The following KIAA1217 variants were observed in gnomAD, a reference collection of about 807,000 sequenced individuals.
The protein encoded by KIAA1217 is sickle tail protein homolog.
A neutral mutation model predicts 163.9 loss-of-function variants in KIAA1217; 88 were observed. That is an observed-to-expected ratio of 0.54 (90% CI 0.45 to 0.64). The LOEUF (loss-of-function observed/expected upper bound fraction) is 0.64. KIAA1217 is among the 30% of genes least tolerant of loss of function. KIAA1217 has a pLI of 0.00. For missense variants in KIAA1217, 2,372 were observed against 2,475.0 expected (o/e 0.96, Z 0.88); for synonymous variants, 903 against 923.1 (o/e 0.98, Z 0.39).
chr10:24,252,299 C>G (rs2074642874), intron 2 of KIAA1217, among the ~76,000 whole-genome samples: 1 of 152,148 alleles, frequency 6.6e-6, no homozygotes, highest in Non-Finnish European at 1.5e-5. Context: ...TCATTTTGAA[C>G]TGGTGAGATG....
At chr10:24,322,791 G>C (rs7911355) in intron 2 of KIAA1217, among the ~76,000 whole-genome samples, 22,106 of 152,020 alleles carry the variant, frequency 0.15, 2,037 homozygotes, top group East Asian at 0.39. Context: ...CATCTGCTAG[G>C]ACTGAAATGA....
At chr10:24,280,759 G>A (rs1185928667) in intron 2 of KIAA1217, among the ~76,000 whole-genome samples, 2 of 148,312 alleles carry the variant, frequency 1.3e-5, no homozygotes, top group Admixed American at 6.8e-5. Flanking sequence ...GCAGTGAGCA[G>A]AGATTGCGCC....
chr10:24,308,401 G>C (rs1033067676), intron 2 of KIAA1217, among the ~76,000 whole-genome samples: 2 of 152,254 alleles, frequency 1.3e-5, no homozygotes, highest in African/African-American at 4.8e-5. Context: ...GGAATTGGAG[G>C]TAACATAATG....
At chr10:23,932,031 G>T (rs1843273667) in intron 1 of KIAA1217, among the ~76,000 whole-genome samples, 1 of 152,150 alleles carries the variant, frequency 6.6e-6, no homozygotes, top group Non-Finnish European at 1.5e-5. Context: ...CAGCCCGGCA[G>T]GGAGGGCAGG....
At position 23,695,051 on chromosome 10, in the gene KIAA1217, G is replaced by A. The variant is rs1835935780; in HGVS notation, c.-504G>A. 6.6e-6 allele frequency: 1 copy of A among 152,238 alleles called. No individual in the cohort carries two copies. The highest frequency in any genetic ancestry group is 2.4e-5 in the African/African-American group (1 of 41,448). The allele number at this position is 152,238 out of a possible 1,614,324, so 9.4% of individuals were successfully genotyped here. On this transcript the variant is annotated 5_prime_UTR_variant, in exon 1 of 19. Transcript: ENST00000376462. This position sits in a 1 kb window ranked among gnomAD's most constrained non-coding sequence, Gnocchi z 4.9. Reference sequence around the variant, plus strand: ...CACTCGGCTGGCAGCCGCGAGCGGCGGCCGAACCTCGGCCCCAGACTCGGG... The same window carrying A: ...CACTCGGCTGGCAGCCGCGAGCGGCAGCCGAACCTCGGCCCCAGACTCGGG...
At chr10:24,416,501 C>A (rs986674357) in intron 3 of KIAA1217, among the ~76,000 whole-genome samples, 9 of 152,144 alleles carry the variant, frequency 5.9e-5, no homozygotes, top group Admixed American at 2.0e-4. Flanking sequence ...CTGCCTGGGG[C>A]AAGAATCCAG....
chr10:24,383,420 G>A (rs557398063), intron 3 of KIAA1217, among the ~76,000 whole-genome samples: 1 of 152,366 alleles, frequency 6.6e-6, no homozygotes, highest in Admixed American at 6.5e-5. Flanking sequence ...GCTGGGTTCA[G>A]GAACCAAGCC....
chr10:24,527,109 C>T (rs995982576), intron 13 of KIAA1217, among the ~76,000 whole-genome samples: 6 of 152,026 alleles, frequency 3.9e-5, no homozygotes, highest in Non-Finnish European at 5.9e-5. Flanking sequence ...GTATAACTCT[C>T]TGTTGTGGAA....
At chr10:23,937,541 A>T (rs1482116839) in intron 1 of KIAA1217, among the ~76,000 whole-genome samples, 4 of 152,148 alleles carry the variant, frequency 2.6e-5, no homozygotes, top group Non-Finnish European at 4.4e-5. Flanking sequence ...ACCTAGCCCC[A>T]CTATCCCATG....
chr10:24,023,786 G>A (rs939835141), intron 2 of KIAA1217, among the ~76,000 whole-genome samples: 1 of 151,658 alleles, frequency 6.6e-6, no homozygotes, highest in South Asian at 2.1e-4. Flanking sequence ...ACATAGCAAT[G>A]AAAAAACACA....
At chr10:24,522,826 T>C (rs1487001992) in intron 12 of KIAA1217, among the ~76,000 whole-genome samples, 1 of 152,160 alleles carries the variant, frequency 6.6e-6, no homozygotes, top group Non-Finnish European at 1.5e-5. Flanking sequence ...TGAATTCCCA[T>C]AGGTATTACA....
chr10:24,161,679 T>C (rs1244121627), intron 2 of KIAA1217, among the ~76,000 whole-genome samples: 2 of 152,238 alleles, frequency 1.3e-5, no homozygotes, highest in South Asian at 2.1e-4. Flanking sequence ...GAGTTGACGC[T>C]GTTACCATTA....
At chr10:24,324,275 A>G (rs918743301) in intron 2 of KIAA1217, among the ~76,000 whole-genome samples, 1 of 149,396 alleles carries the variant, frequency 6.7e-6, no homozygotes, top group African/African-American at 2.5e-5. Flanking sequence ...CTCAAAAAAC[A>G]ACAGCAACAG....
chr10:24,115,352 G>C (rs538374064), intron 2 of KIAA1217, among the ~76,000 whole-genome samples: 50 of 152,324 alleles, frequency 3.3e-4, no homozygotes, highest in African/African-American at 1.2e-3. Flanking sequence ...TAAAAATGAA[G>C]CATTATTTGG....
Position 24,088,261 on chromosome 10 carries a change from A to G in KIAA1217, c.-171+80887A>G, listed in dbSNP as rs1021988007. On this transcript the variant is annotated intron_variant, in intron 2 of 18. Transcript: ENST00000376462. ...GGCTCTGTTTTTTTAATATACATATATATATATATATATACACACATATAT... is the reference window on the plus strand; with the variant it reads ...GGCTCTGTTTTTTTAATATACATATGTATATATATATATACACACATATAT... Among the ~76,000 whole-genome samples, 16 of 106,802 alleles carry G rather than the reference A, an allele frequency of 1.5e-4. 1 individual carries two copies. The highest frequency in any genetic ancestry group is 4.8e-4 in the African/African-American group (16 of 33,156). 70.1% of individuals were successfully genotyped at this position (106,802 alleles called of 152,430 possible). A position where few individuals can be genotyped will look rare whatever the true frequency, so the allele number is the denominator to read the frequency against.
At chr10:24,385,751 T>C (rs116194859) in intron 3 of KIAA1217, among the ~76,000 whole-genome samples, 188 of 152,242 alleles carry the variant, frequency 1.2e-3, no homozygotes, top group African/African-American at 4.4e-3. Context: ...TACTCTCTCT[T>C]CAGTGAAAAT....
chr10:24,171,305 T>C (rs979598516), intron 2 of KIAA1217, among the ~76,000 whole-genome samples: 1 of 152,210 alleles, frequency 6.6e-6, no homozygotes, highest in Non-Finnish European at 1.5e-5. Context: ...AACATTTTTA[T>C]TGAAAAACTC....
intron 2 of KIAA1217, among the ~76,000 whole-genome samples, chr10:24,063,584 G>A (rs900464527): frequency 2.0e-5 from 3 of 152,184 alleles, no homozygotes; most frequent in African/African-American, 7.2e-5. Flanking sequence ...GATGCCTCCA[G>A]CTTTGTTCTT....
Position 24,411,608 on chromosome 10 carries a change from G to A in KIAA1217, c.554-21387G>A, listed in dbSNP as rs1417576711. Among the ~76,000 whole-genome samples the A allele has an allele frequency of 2.0e-5, 3 of 152,070 alleles. No individual in the cohort carries two copies. In the East Asian group the frequency reaches 5.8e-4, roughly 29 times the overall value. ...CTATTATGAGAAAGTGTGTGTTTGT[G>A]TATGCATGTGTGTGTGTACATATAC... On this transcript the variant is annotated intron_variant, in intron 3 of 20. Coordinates refer to ENST00000376454, the MANE Select transcript of KIAA1217 (RefSeq NM_019590.5).
Sources: gnomAD v4.1 joint callset for allele counts (sites outside exome capture counted in the v4.1 genomes callset) on GRCh38, gnomAD v4.1.1 for gene constraint, Gnocchi (gnomAD v3.1) non-coding constraint, MANE v1.5 for transcripts, NCBI Gene and HGNC (gene_info 2026-07-23, HGNC 2026-07-21) for gene names.